IQCM: variants seen among roughly 807,000 people sequenced by gnomAD.
IQCM encodes IQ domain-containing protein M.
Under a neutral mutation model 57.6 loss-of-function variants are expected in IQCM, and 45 were observed. The ratio of observed to expected loss-of-function variants is 0.78; its 90% CI spans 0.62 to 1.00. IQCM has a LOEUF of 1.00. IQCM is among the 50% of genes least tolerant of loss of function. The pLI, the probability that IQCM is intolerant of heterozygous loss-of-function variation, is 0.00. For synonymous variants in IQCM, 148 were observed against 158.9 expected (o/e 0.93, Z 0.51); for missense variants, 468 against 511.6 (o/e 0.91, Z 0.82).
intron 5 of IQCM, among the ~76,000 whole-genome samples, chr4:149,724,772 G>A (rs1341361180): frequency 6.6e-6 from 1 of 151,910 alleles, no homozygotes; most frequent in African/African-American, 2.4e-5. Flanking sequence ...CTGAGAGAAT[G>A]CAAATTATAT....
intron 12 of IQCM, among the ~76,000 whole-genome samples, chr4:149,444,120 C>T (rs1200621846): frequency 2.8e-5 from 4 of 141,626 alleles, no homozygotes; most frequent in East Asian, 2.0e-4. Flanking sequence ...TTAGAGGTTT[C>T]GCTATCAATT....
At chr4:149,358,866 A>C (rs180899483) in intron 13 of IQCM, among the ~76,000 whole-genome samples, 1 of 152,100 alleles carries the variant, frequency 6.6e-6, no homozygotes, top group African/African-American at 2.4e-5. Flanking sequence ...ATATACTCTC[A>C]TGAGTATATC....
At chr4:149,508,753 G>C (rs1744092177) in intron 12 of IQCM, among the ~76,000 whole-genome samples, 1 of 152,162 alleles carries the variant, frequency 6.6e-6, no homozygotes, top group Admixed American at 6.5e-5. Flanking sequence ...AGGCATGATT[G>C]GTTTTGAAAT....
intron 10 of IQCM, among the ~76,000 whole-genome samples, chr4:149,557,805 T>A (rs918497679): frequency 2.6e-5 from 4 of 152,230 alleles, no homozygotes; most frequent in Non-Finnish European, 5.9e-5. Flanking sequence ...AAAGTCCGTA[T>A]AATATGGATT....
At chr4:149,610,692 A>C (rs75366758) in intron 8 of IQCM, among the ~76,000 whole-genome samples, 3,227 of 152,166 alleles carry the variant, frequency 0.021, 121 homozygotes, top group African/African-American at 0.074. Flanking sequence ...CTAGACCCCT[A>C]TATCTCACCT....
chr4:149,627,449 T>C (rs1161003584), intron 7 of IQCM, among the ~76,000 whole-genome samples: 1 of 152,204 alleles, frequency 6.6e-6, no homozygotes, highest in Non-Finnish European at 1.5e-5. Flanking sequence ...CTAGGGCCTA[T>C]ATTAATCATG....
chr4:149,791,131 C>T (rs963778834), intron 2 of IQCM, among the ~76,000 whole-genome samples: 3 of 151,898 alleles, frequency 2.0e-5, no homozygotes, highest in African/African-American at 7.3e-5. Flanking sequence ...CCAAAAATTC[C>T]AATAAAAGGA....
intron 7 of IQCM, among the ~76,000 whole-genome samples, chr4:149,640,164 G>C (rs1211202309): frequency 2.0e-5 from 3 of 152,002 alleles, no homozygotes; most frequent in Non-Finnish European, 4.4e-5. Flanking sequence ...AAAATGTGTG[G>C]GTACATAGTA....
intron 13 of IQCM, among the ~76,000 whole-genome samples, chr4:149,400,244 T>C (rs997726322): frequency 2.6e-5 from 4 of 151,918 alleles, no homozygotes; most frequent in Admixed American, 1.3e-4. Context: ...TCTTTTTGCT[T>C]CTTCCTACAT....
In IQCM at chr4:149,582,240, C is replaced by T. The variant is rs965390953; in HGVS notation, c.749+5690G>A. On this transcript the variant is annotated intron_variant, in intron 9 of 13. Coordinates refer to ENST00000636793, the MANE Select transcript of IQCM (RefSeq NM_001363507.2). ...TAAACCAATACAAAGAACAAACAGC[C>T]ACCAGATCCTGCACCCTTGTAATTC... 2.1e-5 allele frequency among the ~76,000 whole-genome samples: 3 copies of T among 145,648 alleles called. No homozygotes were observed. The Admixed American group carries it at 2.1e-4, about 10-fold the overall frequency.
rs184609787 is a variant in IQCM at position 149,542,914 on chromosome 4, A to G, written c.1228+5541T>C. 1.6e-3 allele frequency among the ~76,000 whole-genome samples: 247 copies of G among 152,232 alleles called. 1 individual carries two copies. Among genetic ancestry groups the G allele is most frequent in the African/African-American group, 5.4e-3 (225 of 41,558 alleles). ...AAAAAGTGGGGTATAGAAGGAATAAATAACTTGTCCAAAGACAGCTAGAAA... is the reference window on the plus strand; with the variant it reads ...AAAAAGTGGGGTATAGAAGGAATAAGTAACTTGTCCAAAGACAGCTAGAAA... On this transcript the variant is annotated intron_variant, in intron 12 of 13. Coordinates refer to ENST00000636793, the MANE Select transcript of IQCM (RefSeq NM_001363507.2).
chr4:149,378,992 G>A (rs576557146), intron 13 of IQCM, among the ~76,000 whole-genome samples: 18 of 152,160 alleles, frequency 1.2e-4, no homozygotes, highest in Non-Finnish European at 1.8e-4. Context: ...TGACTAAAAG[G>A]GGCCAAAGTA....
At chr4:149,356,452 T>C (rs1324717312) in intron 13 of IQCM, among the ~76,000 whole-genome samples, 2 of 151,882 alleles carry the variant, frequency 1.3e-5, no homozygotes, top group African/African-American at 4.8e-5. Flanking sequence ...CAGTTTCAGC[T>C]TTCTACATAT....
At chr4:149,540,947 C>T (rs1278818925) in intron 12 of IQCM, among the ~76,000 whole-genome samples, 1 of 152,164 alleles carries the variant, frequency 6.6e-6, no homozygotes. Flanking sequence ...CATGTTACCT[C>T]TGATACGTCT....
intron 12 of IQCM, among the ~76,000 whole-genome samples, chr4:149,481,722 T>TTTTTTTTTTTTG (rs1740901885): frequency 7.9e-6 from 1 of 127,336 alleles, no homozygotes; most frequent in Non-Finnish European, 1.7e-5. Context: ...TTTTTTTTTT[T>TTTTTTTTTTTTG]GCTTTTTGCT....
intron 13 of IQCM, among the ~76,000 whole-genome samples, chr4:149,432,338 G>T (rs892567219): frequency 6.6e-6 from 1 of 151,812 alleles, no homozygotes; most frequent in African/African-American, 2.4e-5. Flanking sequence ...GTGCTCATTT[G>T]CTATCTATAT....
At chr4:149,528,702 G>A (rs1018008395) in intron 12 of IQCM, among the ~76,000 whole-genome samples, 1 of 152,072 alleles carries the variant, frequency 6.6e-6, no homozygotes, top group African/African-American at 2.4e-5. Context: ...AACATTGATG[G>A]AGGACTCCCC....
chr4:149,749,877 T>A (rs1451974047), intron 2 of IQCM, among the ~76,000 whole-genome samples: 1 of 152,210 alleles, frequency 6.6e-6, no homozygotes, highest in Non-Finnish European at 1.5e-5. Flanking sequence ...TGCTGGATTG[T>A]AAGCCCCACC....
chr4:149,460,149 A>T (rs572697912), intron 12 of IQCM, among the ~76,000 whole-genome samples: 3 of 152,098 alleles, frequency 2.0e-5, no homozygotes, highest in Admixed American at 6.6e-5. Flanking sequence ...CGTAGTTTTG[A>T]TTTGCATTTC....
Sources: allele counts gnomAD v4.1 joint callset (sites outside exome capture counted in the v4.1 genomes callset), GRCh38; gene constraint gnomAD v4.1.1; transcripts MANE v1.5; gene names NCBI Gene and HGNC (gene_info 2026-07-23, HGNC 2026-07-21).